The following TRPC5 variants were observed in gnomAD, a reference collection of about 807,000 sequenced individuals.
TRPC5 encodes short transient receptor potential channel 5.
Under a neutral mutation model 56.5 loss-of-function variants are expected in TRPC5, and 9 were observed. The ratio of observed to expected loss-of-function variants is 0.16; its 90% CI spans 0.10 to 0.28. The LOEUF (loss-of-function observed/expected upper bound fraction) is 0.28, where lower values mean the gene tolerates loss of function less well. TRPC5 is among the 10% of genes least tolerant of loss of function. The probability of loss-of-function intolerance (pLI) is 1.00; values close to 1 mark genes in which losing one functional copy is unlikely to be tolerated. For synonymous variants in TRPC5, 282 were observed against 278.5 expected (o/e 1.01, Z -0.13); for missense variants, 469 against 748.9 (o/e 0.63, Z 4.36).
At position 111,773,923 on chromosome X, in the gene TRPC5, A is replaced by G. The variant is rs977329362; in HGVS notation, c.*2390T>C. Among the ~76,000 whole-genome samples the G allele has an allele frequency of 4.5e-5, 5 of 111,517 alleles. No homozygotes were observed. The East Asian group carries it at 1.4e-3, about 31-fold the overall frequency. On this transcript the variant is annotated 3_prime_UTR_variant, in exon 11 of 11. Coordinates refer to ENST00000262839, the MANE Select transcript of TRPC5 (RefSeq NM_012471.3). ...TTCCTTTCCTACTTTGTACTGAATT[A>G]GAGTTAATAAAAATGTTGGTGTCAC...
At chrX:112,041,965 A>G (rs780866288) in intron 1 of TRPC5, among the ~76,000 whole-genome samples, 3 of 111,651 alleles carry the variant, frequency 2.7e-5, no homozygotes, top group Admixed American at 1.9e-4. Context: ...TCAATTTGGA[A>G]AAGGTTTTTG....
chrX:111,934,814 G>A (rs1926519392), intron 2 of TRPC5, among the ~76,000 whole-genome samples: 2 of 111,890 alleles, frequency 1.8e-5, no homozygotes, highest in African/African-American at 6.5e-5. Flanking sequence ...TCTTTCTTAT[G>A]GCTGAATAGT....
rs759577000 is a variant in TRPC5, at chrX:111,785,101, A to G, written c.1897-2963T>C. On this transcript the variant is annotated intron_variant, in intron 7 of 10. Coordinates refer to ENST00000262839, the MANE Select transcript of TRPC5 (RefSeq NM_012471.3). Reference sequence around the variant, plus strand: ...TGGCGTTTGAGCTCTCAGAACGGACAGACTGCCTCCTCAAGTGGGACCCTG... The same window carrying G: ...TGGCGTTTGAGCTCTCAGAACGGACGGACTGCCTCCTCAAGTGGGACCCTG... 1.2e-4 allele frequency among the ~76,000 whole-genome samples: 13 copies of G among 112,690 alleles called. No individual in the cohort carries two copies. In the Admixed American group the frequency reaches 1.2e-3, roughly 11 times the overall value.
chrX:111,772,844 A>G lies in TRPC5; in HGVS notation c.*3469T>C, dbSNP rs1273166691. Among the ~76,000 whole-genome samples, 2 of 111,086 alleles carry G rather than the reference A, an allele frequency of 1.8e-5. No individual in the cohort carries two copies. Among genetic ancestry groups the G allele is most frequent in the Non-Finnish European group, 3.8e-5 (2 of 53,069 alleles). ...GGGCACTAAAACTATTAGTCAAAAC[A>G]CCACACGAGATTCACCCATGATGTA... On this transcript the variant is annotated 3_prime_UTR_variant, in exon 11 of 11. Transcript: ENST00000262839.
rs773047486 is a variant in TRPC5, at chrX:112,062,907, A to G, written c.-22+18972T>C. Among the ~76,000 whole-genome samples, 4 of 111,587 alleles carry G rather than the reference A, an allele frequency of 3.6e-5. No individual in the cohort carries two copies. In the East Asian group the frequency reaches 1.1e-3, roughly 32 times the overall value. ...ACCAGCTCGGAGGCTTAGCTTGCGG[A>G]TAAGGGCAGTAAGTAGGGTAATAGC... On this transcript the variant is annotated intron_variant, in intron 1 of 10. Transcript: ENST00000262839.
At chrX:111,931,372 G>A (rs902860102) in intron 2 of TRPC5, among the ~76,000 whole-genome samples, 2 of 112,357 alleles carry the variant, frequency 1.8e-5, no homozygotes, top group African/African-American at 3.2e-5. Flanking sequence ...TGTGGAGAAG[G>A]GTGGTGGTGA....
At chrX:111,950,324 C>CAAA (rs759300275) in intron 2 of TRPC5, among the ~76,000 whole-genome samples, 2 of 94,686 alleles carry the variant, frequency 2.1e-5, no homozygotes, top group African/African-American at 7.6e-5. Context: ...GACTCCATCT[C>CAAA]AAAAAAAAAA....
rs1945854019 is a variant in TRPC5, at chrX:111,773,246, G to C, written c.*3067C>G. 9.0e-6 allele frequency among the ~76,000 whole-genome samples: 1 copy of C among 111,723 alleles called. No individual in the cohort carries two copies. The highest frequency in any genetic ancestry group is 3.7e-4 in the South Asian group (1 of 2,719). On this transcript the variant is annotated 3_prime_UTR_variant, in exon 11 of 11. Coordinates refer to ENST00000262839, the MANE Select transcript of TRPC5 (RefSeq NM_012471.3). ...TGATTTTAAATTTAGTCTTTCCTCT[G>C]TATTTCACTGGACATAAAGCTGGAA...
intron 3 of TRPC5, among the ~76,000 whole-genome samples, chrX:111,856,478 G>T (rs1301684010): frequency 2.8e-5 from 3 of 107,335 alleles, no homozygotes; most frequent in African/African-American, 1.0e-4. Context: ...GGCAGAGGCT[G>T]CAGTGAGCAG....
At chrX:111,781,328 T>C in intron 8 of TRPC5, 122 bp from the exon 9 acceptor site, 1 of 586,879 alleles carries the variant, frequency 1.7e-6, no homozygotes, top group Non-Finnish European at 2.8e-6. Context: ...AGCTCCTGCC[T>C]GACAAATCCC....
intron 3 of TRPC5, among the ~76,000 whole-genome samples, chrX:111,880,479 C>T (rs954817251): frequency 8.9e-6 from 1 of 112,428 alleles, no homozygotes; most frequent in African/African-American, 3.2e-5. Flanking sequence ...GGGCACTGTC[C>T]TGTGAACAGA....
At chrX:111,995,756 GGT>G (rs1358382107) in intron 1 of TRPC5, among the ~76,000 whole-genome samples, 1 of 111,484 alleles carries the variant, frequency 9.0e-6, no homozygotes, top group Non-Finnish European at 1.9e-5. Context: ...TTTGCATAGA[GGT>G]ATTTTATATA....
intron 2 of TRPC5, among the ~76,000 whole-genome samples, chrX:111,941,615 G>A (rs1329471550): frequency 2.7e-5 from 3 of 112,175 alleles, no homozygotes; most frequent in Non-Finnish European, 5.6e-5. Context: ...ATAGGCTTGG[G>A]TGTCAAAGTC....
At chrX:111,918,923 C>A (rs1926050650) in intron 2 of TRPC5, among the ~76,000 whole-genome samples, 1 of 110,563 alleles carries the variant, frequency 9.0e-6, no homozygotes, top group Non-Finnish European at 1.9e-5. Context: ...AGGATGCTGG[C>A]TGCATTGTCC....
intron 1 of TRPC5, among the ~76,000 whole-genome samples, chrX:111,978,646 A>C (rs1927994471): frequency 9.0e-6 from 1 of 111,352 alleles, no homozygotes. Context: ...TTACAAGATG[A>C]ATAAGTTCTG....
chrX:111,893,079 G>GTTT (rs79584045), intron 3 of TRPC5, among the ~76,000 whole-genome samples: 22 of 88,158 alleles, frequency 2.5e-4, no homozygotes, highest in African/African-American at 6.6e-4. Flanking sequence ...CAAATATAGG[G>GTTT]TTTTTTTTTT....
intron 1 of TRPC5, among the ~76,000 whole-genome samples, chrX:111,987,337 TTC>T (rs1928237642): frequency 1.8e-5 from 2 of 111,713 alleles, no homozygotes; most frequent in South Asian, 7.5e-4. Context: ...ACCTTTCTTT[TTC>T]TTTCTTCTTT....
chrX:111,876,110 G>A (rs1293865942), intron 3 of TRPC5: 1 of 110,919 alleles, frequency 9.0e-6, no homozygotes, highest in East Asian at 2.8e-4. Flanking sequence ...GGTTTCTGAA[G>A]AGGTGGGAGC....
At chrX:111,791,898 G>C (rs1946024458) in intron 7 of TRPC5, among the ~76,000 whole-genome samples, 1 of 112,348 alleles carries the variant, frequency 8.9e-6, no homozygotes, top group African/African-American at 3.2e-5. Flanking sequence ...AGACAGTGTG[G>C]TGATTTCTCA....
Sources: gnomAD v4.1 joint callset for allele counts (sites outside exome capture counted in the v4.1 genomes callset) on GRCh38, gnomAD v4.1.1 for gene constraint, MANE v1.5 for transcripts, NCBI Gene and HGNC (gene_info 2026-07-23, HGNC 2026-07-21) for gene names.